Variants in ADAMTSL1 observed in about 807,000 individuals in gnomAD.
The protein encoded by ADAMTSL1 is ADAMTS-like protein 1.
In ADAMTSL1, 126 loss-of-function variants were observed where a neutral mutation model predicts 201.8. The ratio of observed to expected loss-of-function variants is 0.62; its 90% CI spans 0.54 to 0.72. ADAMTSL1 has a LOEUF of 0.72. Among genes scored for constraint, ADAMTSL1 ranks in the 30% least tolerant of loss-of-function variants. The pLI, the probability that ADAMTSL1 is intolerant of heterozygous loss-of-function variation, is 0.00. For synonymous variants in ADAMTSL1, 1,121 were observed against 903.4 expected (o/e 1.24, Z -4.32); for missense variants, 2,679 against 2,277.8 (o/e 1.18, Z -3.59).
chr9:18,782,899 C>T (rs1821481008), intron 19 of ADAMTSL1, among the ~76,000 whole-genome samples: 1 of 152,070 alleles, frequency 6.6e-6, no homozygotes, highest in South Asian at 2.1e-4. Context: ...GTAAGGGAGG[C>T]AAAAGGTAGA....
chr9:18,111,655 C>G (rs1307978397), intron 1 of ADAMTSL1, among the ~76,000 whole-genome samples: 1 of 152,138 alleles, frequency 6.6e-6, no homozygotes, highest in Non-Finnish European at 1.5e-5. Context: ...CCGCCATAAA[C>G]AGAACTTACA....
At chr9:18,594,152 AT>A (rs947423738) in intron 4 of ADAMTSL1, among the ~76,000 whole-genome samples, 9 of 149,462 alleles carry the variant, frequency 6.0e-5, no homozygotes, top group South Asian at 2.1e-4. Context: ...TTTTGTTGAC[AT>A]TTTTTTTTCC....
intron 1 of ADAMTSL1, among the ~76,000 whole-genome samples, chr9:17,913,355 A>G (rs1825964587): frequency 1.3e-5 from 2 of 152,100 alleles, no homozygotes. Flanking sequence ...ATTTGTTTGT[A>G]TCCTCTTTTA....
chr9:18,108,091 A>G (rs1824840282), intron 1 of ADAMTSL1, among the ~76,000 whole-genome samples: 2 of 152,202 alleles, frequency 1.3e-5, no homozygotes, highest in South Asian at 4.1e-4. Context: ...CCTCTTTTGA[A>G]GAAGATATTC....
intron 1 of ADAMTSL1, among the ~76,000 whole-genome samples, chr9:18,081,147 G>T (rs1299531673): frequency 6.6e-6 from 1 of 152,170 alleles, no homozygotes; most frequent in Non-Finnish European, 1.5e-5. Flanking sequence ...CTTTGAGTGG[G>T]GGTGGACTTT....
rs1191011628 is a variant in ADAMTSL1 at position 18,860,104 on chromosome 9, T to TGTGA, written c.4250-27725_4250-27722dup. ...AGGGATTTTTGAATTTTTATATTTTTGTGAGCTTTTAGTCTATAATGAACA... is the reference window on the plus strand; with the variant it reads ...AGGGATTTTTGAATTTTTATATTTTTGTGAGTGAGCTTTTAGTCTATAATGAACA... On this transcript the variant is annotated intron_variant, in intron 23 of 28. Coordinates refer to ENST00000380548, the MANE Select transcript of ADAMTSL1 (RefSeq NM_001040272.6). Among the ~76,000 whole-genome samples the TGTGA allele has an allele frequency of 7.9e-5, 12 of 152,356 alleles. No homozygotes were observed. The East Asian group carries it at 2.3e-3, about 29-fold the overall frequency.
intron 7 of ADAMTSL1, 113 bp from the exon 8 acceptor site, chr9:18,657,526 C>T: frequency 1.4e-6 from 1 of 721,444 alleles, no homozygotes; most frequent in Non-Finnish European, 2.4e-6. Context: ...GCAGTGCAGT[C>T]CCTCACACAG....
At chr9:18,254,345 GTTTTTTTTTTTTTTTTTTTTTT>G (rs59026505) in intron 2 of ADAMTSL1, among the ~76,000 whole-genome samples, 9 of 49,332 alleles carry the variant, frequency 1.8e-4, no homozygotes, top group African/African-American at 2.4e-4. Flanking sequence ...ACTCTTTTTG[GTTTTTTTTTTTTTTTTTTTTTT>G]TTTTTTTTTT....
At chr9:17,992,482 G>A (rs1013952491) in intron 1 of ADAMTSL1, among the ~76,000 whole-genome samples, 1 of 152,128 alleles carries the variant, frequency 6.6e-6, no homozygotes, top group Admixed American at 6.6e-5. Flanking sequence ...ATGAATGCTT[G>A]TACTTGGTCC....
Position 18,817,375 on chromosome 9 carries a change from T to C in ADAMTSL1, c.3934+138T>C, listed in dbSNP as rs1046667870. The C allele has an allele frequency of 5.2e-6, 4 of 770,800 alleles. No individual in the cohort carries two copies. The African/African-American group carries it at 7.1e-5, about 14-fold the overall frequency. The allele number at this position is 770,800 out of a possible 1,614,324, so 47.7% of individuals were successfully genotyped here. ...AAGCCAAAGCATGAACCTCAGTCGC[T>C]CTGAAAGTAGAAAGTGCTACAGAAA... On this transcript the variant is annotated intron_variant, in intron 21 of 28. Transcript: ENST00000380548.
intron 2 of ADAMTSL1, among the ~76,000 whole-genome samples, chr9:18,449,944 C>CT (rs1259397728): frequency 2.0e-5 from 3 of 152,020 alleles, no homozygotes; most frequent in African/African-American, 7.3e-5. Flanking sequence ...TGGGAGAGTG[C>CT]TTCAGAAAAT....
intron 20 of ADAMTSL1, 32 bp downstream of exon 20, chr9:18,795,556 A>G (rs758024129): frequency 6.4e-7 from 1 of 1,572,720 alleles, no homozygotes; most frequent in Non-Finnish European, 8.6e-7. Context: ...TGTTCATTTC[A>G]TAAACCTTTA....
intron 7 of ADAMTSL1, among the ~76,000 whole-genome samples, chr9:18,650,619 A>G (rs1307433328): frequency 2.0e-5 from 3 of 152,194 alleles, no homozygotes; most frequent in African/African-American, 7.2e-5. Context: ...CAAAAGGAAG[A>G]TTTTGTGACA....
At chr9:18,807,135 C>T (rs1283261443) in intron 20 of ADAMTSL1, among the ~76,000 whole-genome samples, 1 of 152,140 alleles carries the variant, frequency 6.6e-6, no homozygotes, top group South Asian at 2.1e-4. Flanking sequence ...TAAATTGAAA[C>T]GCTTGCCTTT....
At chr9:18,124,659 T>G (rs975919067) in intron 1 of ADAMTSL1, among the ~76,000 whole-genome samples, 1 of 152,132 alleles carries the variant, frequency 6.6e-6, no homozygotes, top group Non-Finnish European at 1.5e-5. Flanking sequence ...TTTGAACAGG[T>G]GTTTTTAAAA....
intron 2 of ADAMTSL1, among the ~76,000 whole-genome samples, chr9:18,196,275 T>C (rs1290224200): frequency 6.6e-6 from 1 of 152,058 alleles, no homozygotes; most frequent in Admixed American, 6.6e-5. Context: ...ATTTATAAAA[T>C]AACATGAGTT....
At chr9:18,562,635 G>A (rs1181543712) in intron 3 of ADAMTSL1, among the ~76,000 whole-genome samples, 6 of 152,142 alleles carry the variant, frequency 3.9e-5, no homozygotes, top group African/African-American at 1.4e-4. Context: ...CATTCTCCCT[G>A]TCACTTTCAG....
chr9:18,880,466 C>T (rs1828456759), intron 23 of ADAMTSL1, among the ~76,000 whole-genome samples: 1 of 152,210 alleles, frequency 6.6e-6, no homozygotes, highest in African/African-American at 2.4e-5. Context: ...TAAGAATCTC[C>T]TTATACATCT....
At chr9:18,678,449 G>A (rs375130052) in intron 10 of ADAMTSL1, among the ~76,000 whole-genome samples, 5 of 151,862 alleles carry the variant, frequency 3.3e-5, no homozygotes, top group Non-Finnish European at 5.9e-5. Context: ...AATTTTCTAC[G>A]CATAGAACTG....
Sources: gnomAD v4.1 joint callset for allele counts (sites outside exome capture counted in the v4.1 genomes callset) on GRCh38, gnomAD v4.1.1 for gene constraint, MANE v1.5 for transcripts, NCBI Gene and HGNC (gene_info 2026-07-23, HGNC 2026-07-21) for gene names.